Variants in SLC9A8 observed in about 807,000 individuals in gnomAD.
The protein encoded by SLC9A8 is sodium/hydrogen exchanger 8.
A neutral mutation model predicts 66.6 loss-of-function variants in SLC9A8; 48 were observed. The observed-to-expected ratio is 0.72, with a 90% CI of 0.57 to 0.92. The LOEUF is 0.92. Among genes scored for constraint, SLC9A8 ranks in the 40% least tolerant of loss-of-function variants. The probability of loss-of-function intolerance (pLI) is 0.00; values close to 1 mark genes in which losing one functional copy is unlikely to be tolerated. For missense variants in SLC9A8, 599 were observed against 747.3 expected (o/e 0.80, Z 2.31); for synonymous variants, 274 against 282.6 (o/e 0.97, Z 0.31).
At chr20:49,840,311 A>G (rs2087708968) in intron 4 of SLC9A8, among the ~76,000 whole-genome samples, 1 of 152,204 alleles carries the variant, frequency 6.6e-6, no homozygotes, top group Non-Finnish European at 1.5e-5. Flanking sequence ...GAATTTCAAC[A>G]TAAACTTGAG....
At position 49,891,289 on chromosome 20, in the gene SLC9A8, A is replaced by G. The variant is rs1014802960; in HGVS notation, c.*3353A>G. Reference sequence around the variant, plus strand: ...TGCCCTTGCTGGGGGCGGGTAGGAAACCCTGAGCTTCCTGATGCGGAGTCA... The same window carrying G: ...TGCCCTTGCTGGGGGCGGGTAGGAAGCCCTGAGCTTCCTGATGCGGAGTCA... On this transcript the variant is annotated 3_prime_UTR_variant, in exon 16 of 16. Transcript: ENST00000361573. 6.6e-6 allele frequency: 1 copy of G among 151,690 alleles called. No homozygotes were observed. The highest frequency in any genetic ancestry group is 1.5e-5 in the Non-Finnish European group (1 of 67,992). The allele number at this position is 151,690 out of a possible 1,614,324, so 9.4% of individuals were successfully genotyped here.
In SLC9A8 at chr20:49,875,003, C is replaced by A. The variant is rs550503291; in HGVS notation, c.1075+182C>A. On this transcript the variant is annotated intron_variant, in intron 11 of 15. Coordinates refer to ENST00000361573, the MANE Select transcript of SLC9A8 (RefSeq NM_015266.3). ...GGCTTTGAAATTTCATAAAGTAAAC[C>A]AAACACCTAATAAATGAACATCTGG... Among the ~76,000 whole-genome samples the A allele has an allele frequency of 2.6e-5, 4 of 152,254 alleles. No homozygotes were observed. The East Asian group carries it at 7.7e-4, about 29-fold the overall frequency.
At chr20:49,852,621 T>C (rs2088299804) in intron 7 of SLC9A8, among the ~76,000 whole-genome samples, 1 of 152,200 alleles carries the variant, frequency 6.6e-6, no homozygotes. Flanking sequence ...AAATACATTT[T>C]TAAGTTGAAC....
chr20:49,878,900 C>T (rs780931944), intron 12 of SLC9A8, among the ~76,000 whole-genome samples: 1 of 152,096 alleles, frequency 6.6e-6, no homozygotes, highest in Non-Finnish European at 1.5e-5. Flanking sequence ...GCCTGTAATT[C>T]CAGCTACTCA....
rs1431215210 is a variant in SLC9A8, at chr20:49,891,544, CT to C, written c.*3609del. On this transcript the variant is annotated 3_prime_UTR_variant, in exon 16 of 16. Coordinates refer to ENST00000361573, the MANE Select transcript of SLC9A8 (RefSeq NM_015266.3). ...AAGGAGGAAGACTAACACACACCCC[CT>C]GCCCCATCCCATCCCCCTCTCCCGA... The C allele has an allele frequency of 1.3e-5, 2 of 152,318 alleles. No homozygotes were observed. The highest frequency in any genetic ancestry group is 4.8e-5 in the African/African-American group (2 of 41,468). 9.4% of individuals were successfully genotyped at this position (152,318 alleles called of 1,614,324 possible). A position where few individuals can be genotyped will look rare whatever the true frequency, so the allele number is the denominator to read the frequency against.
At chr20:49,823,467 C>T (rs1184886934) in intron 3 of SLC9A8, among the ~76,000 whole-genome samples, 1 of 152,186 alleles carries the variant, frequency 6.6e-6, no homozygotes, top group Non-Finnish European at 1.5e-5. Context: ...AGGCTGACAT[C>T]CAACTCAACT....
In SLC9A8 at chr20:49,830,271, G is replaced by A. The variant is rs934742219; in HGVS notation, c.289+7130G>A. 7.1e-5 allele frequency: 79 copies of A among 1,110,892 alleles called. No homozygotes were observed. In the African/African-American group the frequency reaches 9.0e-4, roughly 13 times the overall value. The allele number at this position is 1,110,892 out of a possible 1,614,324, so 68.8% of individuals were successfully genotyped here. On this transcript the variant is annotated intron_variant, in intron 3 of 15. Transcript: ENST00000361573. ...CCTTGGTCTCATGAGAAGTGGAATC[G>A]TCTCTAACTTGCTAAAAATGGGTCA...
chr20:49,831,089 G>A (rs540961241), intron 3 of SLC9A8: 31 of 647,998 alleles, frequency 4.8e-5, no homozygotes, highest in South Asian at 3.7e-4. Context: ...ACACTAAGCC[G>A]TCGGACCCCC....
chr20:49,826,289 G>A (rs1437877251), intron 3 of SLC9A8, among the ~76,000 whole-genome samples: 4 of 152,166 alleles, frequency 2.6e-5, no homozygotes, highest in Middle Eastern at 3.2e-3. Context: ...GAAGGAAAAC[G>A]TTTTTCTCCA....
At chr20:49,836,559 T>C (rs968279964) in intron 3 of SLC9A8, among the ~76,000 whole-genome samples, 4 of 152,142 alleles carry the variant, frequency 2.6e-5, no homozygotes, top group South Asian at 2.1e-4. Flanking sequence ...TGAACTGACC[T>C]CAAGCAGTCC....
At chr20:49,818,366 T>C (rs2086627852) in intron 2 of SLC9A8, among the ~76,000 whole-genome samples, 1 of 152,182 alleles carries the variant, frequency 6.6e-6, no homozygotes, top group Non-Finnish European at 1.5e-5. Flanking sequence ...TCTGCTTATG[T>C]GGAGGTTAGC....
intron 5 of SLC9A8, among the ~76,000 whole-genome samples, chr20:49,848,271 A>C (rs1250308343): frequency 6.6e-6 from 1 of 152,192 alleles, no homozygotes. Flanking sequence ...GCAAAGAGCA[A>C]CTCATAGATT....
intron 8 of SLC9A8, among the ~76,000 whole-genome samples, chr20:49,858,094 A>G (rs2088580479): frequency 6.6e-6 from 1 of 152,204 alleles, no homozygotes; most frequent in African/African-American, 2.4e-5. Flanking sequence ...CAATAGGCTT[A>G]TACCCCAAAT....
At position 49,874,946 on chromosome 20, in the gene SLC9A8, C is replaced by A. The variant is rs1050477991; in HGVS notation, c.1075+125C>A. 1.1e-5 allele frequency: 8 copies of A among 701,340 alleles called. No individual in the cohort carries two copies. The African/African-American group carries it at 1.4e-4, about 12-fold the overall frequency. 43.4% of individuals were successfully genotyped at this position (701,340 alleles called of 1,614,324 possible). A position where few individuals can be genotyped will look rare whatever the true frequency, so the allele number is the denominator to read the frequency against. Reference sequence around the variant, plus strand: ...GGGCAGCAGCTCCTCAGAGCCAGATCCCTCACTCCCTTATCTTTTGTTTGT... The same window carrying A: ...GGGCAGCAGCTCCTCAGAGCCAGATACCTCACTCCCTTATCTTTTGTTTGT... On this transcript the variant is annotated intron_variant, in intron 11 of 15. Transcript: ENST00000361573.
intron 11 of SLC9A8, among the ~76,000 whole-genome samples, chr20:49,876,216 AG>A (rs1170612910): frequency 2.0e-5 from 3 of 152,140 alleles, no homozygotes; most frequent in Non-Finnish European, 4.4e-5. Context: ...CCTGGGCCAG[AG>A]GGTATTATTT....
rs185726760 is a variant in SLC9A8 at position 49,891,484 on chromosome 20, A to G, written c.*3548A>G. ...CCAAACAGTTGTCCAACAGTTAGAC[A>G]TTGAGGGGCTTCACTGTTACCAGGC... On this transcript the variant is annotated 3_prime_UTR_variant, in exon 16 of 16. Coordinates refer to ENST00000361573, the MANE Select transcript of SLC9A8 (RefSeq NM_015266.3). 169 of 152,296 alleles carry G rather than the reference A, an allele frequency of 1.1e-3. 3 individuals are homozygous for G. The highest frequency in any genetic ancestry group is 1.9e-4 in the East Asian group (1 of 5,178). The allele number at this position is 152,296 out of a possible 1,614,324, so 9.4% of individuals were successfully genotyped here.
chr20:49,863,006 T>A lies in SLC9A8; in HGVS notation c.791T>A (p.Phe264Tyr). The change falls in exon 9 of 16, where the codon TTC becomes TAC. Residue 264 changes from phenylalanine to tyrosine, a missense_variant. Around this residue, in one of 2 missense-constraint regions of SLC9A8, gnomAD observed 467 missense variants for 626.5 expected, o/e 0.75. Coordinates refer to ENST00000361573, the MANE Select transcript of SLC9A8 (RefSeq NM_015266.3). ...WQTFLQALDY[F>Y]LKMFFGSAAL... is the part of the protein sequence containing the mutation. ...ACATTTTTACAAGCCCTTGACTACT[T>A]CCTCAAAATGTTCTTTGGCTCTGCA... 6.2e-7 allele frequency: 1 copy of A among 1,613,978 alleles called. No individual in the cohort carries two copies. Among genetic ancestry groups the A allele is most frequent in the South Asian group, 1.1e-5 (1 of 91,068 alleles).
At chr20:49,861,024 T>G (rs1011151637) in intron 8 of SLC9A8, among the ~76,000 whole-genome samples, 1 of 151,650 alleles carries the variant, frequency 6.6e-6, no homozygotes, top group Non-Finnish European at 1.5e-5. Flanking sequence ...CCTGAGGGAG[T>G]GGCACTGACC....
chr20:49,885,262 A>G (rs2089848587), intron 14 of SLC9A8, among the ~76,000 whole-genome samples: 2 of 152,300 alleles, frequency 1.3e-5, no homozygotes, highest in East Asian at 3.9e-4. Context: ...CTTGCTACAC[A>G]CAGGCTGCTG....
Sources: gnomAD v4.1 joint callset for allele counts (sites outside exome capture counted in the v4.1 genomes callset) on GRCh38, gnomAD v4.1.1 for gene constraint, gnomAD v4.1.1 regional missense constraint, MANE v1.5 for transcripts, NCBI Gene and HGNC (gene_info 2026-07-23, HGNC 2026-07-21) for gene names.